The following APOBEC3D variants were observed in gnomAD, a reference collection of about 807,000 sequenced individuals.
APOBEC3D encodes the protein apolipoprotein B mRNA editing enzyme catalytic subunit 3D, also known as DNA dC->dU-editing enzyme APOBEC-3D.
Under a neutral mutation model 45.6 loss-of-function variants are expected in APOBEC3D, and 37 were observed. That is an observed-to-expected ratio of 0.81 (90% CI 0.62 to 1.07). APOBEC3D has a LOEUF of 1.07. Among genes scored for constraint, APOBEC3D ranks in the 50% least tolerant of loss-of-function variants. The pLI, the probability that APOBEC3D is intolerant of heterozygous loss-of-function variation, is 0.00. For missense variants in APOBEC3D, 496 were observed against 495.3 expected (o/e 1.00, Z -0.01); for synonymous variants, 175 against 180.7 (o/e 0.97, Z 0.25).
intron 5 of APOBEC3D, among the ~76,000 whole-genome samples, chr22:39,031,105 G>A (rs1234805832): frequency 6.6e-6 from 1 of 152,106 alleles, no homozygotes; most frequent in East Asian, 1.9e-4. Context: ...GGCAGAAGTT[G>A]TGGTGAGCTG....
intron 1 of APOBEC3D, 62 bp from the exon 2 acceptor site, chr22:39,022,760 A>G (rs1181903373): frequency 6.4e-7 from 1 of 1,555,630 alleles, no homozygotes; most frequent in African/African-American, 1.4e-5. Context: ...TTCAGTGGAC[A>G]TGAGCCCCGA....
chr22:39,028,663 C>T (rs1416882342), intron 4 of APOBEC3D, among the ~76,000 whole-genome samples: 4 of 152,142 alleles, frequency 2.6e-5, no homozygotes, highest in East Asian at 1.9e-4. Flanking sequence ...GGGCCAGGCG[C>T]GGTGGCTCAC....
At chr22:39,026,845 C>T (rs1204124646) in intron 4 of APOBEC3D, among the ~76,000 whole-genome samples, 5 of 152,006 alleles carry the variant, frequency 3.3e-5, no homozygotes, top group Admixed American at 2.6e-4. Context: ...CTCTGCCTCC[C>T]GGTTCTAGCA....
intron 4 of APOBEC3D, among the ~76,000 whole-genome samples, chr22:39,026,901 GC>G (rs1181209430): frequency 6.6e-6 from 1 of 152,092 alleles, no homozygotes. Flanking sequence ...ACAGGCTCAT[GC>G]CACCATGCCG....
At chr22:39,030,665 A>G (rs6001391) in intron 5 of APOBEC3D, among the ~76,000 whole-genome samples, 70,457 of 144,832 alleles carry the variant, frequency 0.49, 16,154 homozygotes, top group East Asian at 0.67. Context: ...CCTTTGGCCA[A>G]CCTTCAACTC....
chr22:39,023,590 G>T (rs1026020496), intron 2 of APOBEC3D, among the ~76,000 whole-genome samples: 15 of 151,752 alleles, frequency 9.9e-5, no homozygotes, highest in Admixed American at 7.2e-4. Flanking sequence ...GGGATTACAG[G>T]TGCACGCCAC....
At chr22:39,032,022 G>A in intron 6 of APOBEC3D, 49 bp downstream of exon 6, 4 of 1,608,062 alleles carry the variant, frequency 2.5e-6, no homozygotes, top group Non-Finnish European at 3.4e-6. Context: ...GACAGCATGA[G>A]GGGCAGGTGG....
rs1158536726 is a variant in APOBEC3D, at chr22:39,031,873, C to T, written c.942C>T (p.Ile314=). 6.2e-7 allele frequency: 1 copy of T among 1,614,096 alleles called. No individual in the cohort carries two copies. Among genetic ancestry groups the T allele is most frequent in the Non-Finnish European group, 8.5e-7 (1 of 1,180,042 alleles). The stretch of plus-strand genomic sequence containing the variant: ...GGCACAGCAACGTGAATCTCACCAT[C>T]TTCACCGCCCGCCTCTGCTACTTCT... The part of the protein sequence containing the change: ...LARHSNVNLT[I]FTARLCYFWD... Residue 314 remains isoleucine, a synonymous_variant, in exon 6 of 7, where the codon ATC becomes ATT. Coordinates refer to ENST00000216099, the MANE Select transcript of APOBEC3D (RefSeq NM_152426.4).
At chr22:39,032,045 G>C in intron 6 of APOBEC3D, 72 bp downstream of exon 6, 2 of 1,599,288 alleles carry the variant, frequency 1.3e-6, no homozygotes, top group Non-Finnish European at 1.7e-6. Flanking sequence ...CTGCAATGCC[G>C]TGGGGCGGGG....
intron 4 of APOBEC3D, among the ~76,000 whole-genome samples, chr22:39,027,292 A>C (rs1315983771): frequency 1.3e-5 from 2 of 152,022 alleles, no homozygotes; most frequent in African/African-American, 4.8e-5. Context: ...GGGACATCTG[A>C]GGGCACCCCC....
In APOBEC3D at chr22:39,031,829, G is replaced by T. The variant is rs762344787; in HGVS notation, c.898G>T (p.Val300Leu). Reference sequence around the variant, plus strand: ...CCCTTGCCCAGAGTGTGCAGGGGAGGTGGCCGAGTTCCTGGCCAGGCACAG... The same window carrying T: ...CCCTTGCCCAGAGTGTGCAGGGGAGTTGGCCGAGTTCCTGGCCAGGCACAG... Reference protein sequence around the residue: ...WSPCPECAGEVAEFLARHSNV... With the variant: ...WSPCPECAGELAEFLARHSNV... The change falls in exon 6 of 7, where the codon GTG becomes TTG. Residue 300 changes from valine (V) to leucine (L), a missense_variant. Coordinates refer to ENST00000216099, the MANE Select transcript of APOBEC3D (RefSeq NM_152426.4). 1.6e-5 allele frequency: 26 copies of T among 1,613,998 alleles called. No homozygotes were observed. The highest frequency in any genetic ancestry group is 3.4e-6 in the Non-Finnish European group (4 of 1,180,010).
chr22:39,028,432 C>A (rs1925893179), intron 4 of APOBEC3D, among the ~76,000 whole-genome samples: 2 of 152,250 alleles, frequency 1.3e-5, no homozygotes, highest in African/African-American at 4.8e-5. Flanking sequence ...CCTCTGGCAC[C>A]TCCTCTGTAA....
chr22:39,023,636 A>T (rs1925346333), intron 2 of APOBEC3D, among the ~76,000 whole-genome samples: 1 of 151,726 alleles, frequency 6.6e-6, no homozygotes, highest in Non-Finnish European at 1.5e-5. Context: ...TTTAATAGAG[A>T]AGGGATTTCA....
Position 39,029,470 on chromosome 22 carries a change from C to A in APOBEC3D, c.713C>A (p.Thr238Lys). Residue 238 changes from threonine (T) to lysine (K), a missense_variant, in exon 5 of 7, where the codon ACA becomes AAA. By Grantham distance (78) the Thr-to-Lys change is moderately conservative. Coordinates refer to ENST00000216099, the MANE Select transcript of APOBEC3D (RefSeq NM_152426.4). The stretch of plus-strand genomic sequence containing the variant: ...TGGCTGTGCTTCACCATGGAAGTTA[C>A]AAAGCACCACTCAGCTGTCTTCCGG... ...ESWLCFTMEV[T>K]KHHSAVFRKR... 6.2e-7 allele frequency: 1 copy of A among 1,614,132 alleles called. No homozygotes were observed. Among genetic ancestry groups the A allele is most frequent in the Non-Finnish European group, 8.5e-7 (1 of 1,180,022 alleles).
At chr22:39,030,982 A>T (rs1173560606) in intron 5 of APOBEC3D, among the ~76,000 whole-genome samples, 1 of 152,206 alleles carries the variant, frequency 6.6e-6, no homozygotes, top group Non-Finnish European at 1.5e-5. Context: ...CCTAGCTAAC[A>T]TGGTGAAACC....
intron 3 of APOBEC3D, 41 bp from the exon 4 acceptor site, chr22:39,025,516 G>A (rs763519936): frequency 1.2e-6 from 2 of 1,614,102 alleles, no homozygotes; most frequent in South Asian, 1.1e-5. Context: ...CAGGCCCAGG[G>A]TCAGGGGAGA....
intron 2 of APOBEC3D, among the ~76,000 whole-genome samples, chr22:39,023,976 G>A (rs1185980041): frequency 6.6e-6 from 1 of 152,068 alleles, no homozygotes; most frequent in Non-Finnish European, 1.5e-5. Context: ...TGGGGAGGGA[G>A]TCGTCTGTAT....
chr22:39,024,999 C>T (rs1236799069), intron 2 of APOBEC3D, 71 bp from the exon 3 acceptor site: 3 of 431,482 alleles, frequency 7.0e-6, no homozygotes, highest in Admixed American at 3.6e-5. Context: ...GGCCCCTCCT[C>T]CCCCTGCCCC....
chr22:39,021,542 G>A lies in APOBEC3D; in HGVS notation c.17+6G>A, dbSNP rs200759595. On this transcript the variant is annotated splice_donor_region_variant and intron_variant, in intron 1 of 6. Coordinates refer to ENST00000216099, the MANE Select transcript of APOBEC3D (RefSeq NM_152426.4). ...AACATGAATCCACAGATCAGGTACC[G>A]CTGCCCACTATGTCCGCAGGGCCCC... The A allele has an allele frequency of 6.4e-5, 104 of 1,613,768 alleles. No individual in the cohort carries two copies. In the East Asian group the frequency reaches 1.8e-3, roughly 28 times the overall value.
Sources: gnomAD v4.1 joint callset for allele counts (sites outside exome capture counted in the v4.1 genomes callset) on GRCh38, gnomAD v4.1.1 for gene constraint, MANE v1.5 for transcripts, NCBI Gene and HGNC (gene_info 2026-07-23, HGNC 2026-07-21) for gene names.